The following RANBP3 variants were observed in gnomAD, a reference collection of about 807,000 sequenced individuals.
The protein encoded by RANBP3 is ran-binding protein 3.
RANBP3 carries 14 observed loss-of-function variants against 77.3 expected under a neutral mutation model. The ratio of observed to expected loss-of-function variants is 0.18; its 90% CI spans 0.12 to 0.28. The LOEUF (loss-of-function observed/expected upper bound fraction) is 0.28, where lower values mean the gene tolerates loss of function less well. Among genes scored for constraint, RANBP3 ranks in the 10% least tolerant of loss-of-function variants. The pLI, the probability that RANBP3 is intolerant of heterozygous loss-of-function variation, is 1.00. For synonymous variants in RANBP3, 315 were observed against 312.4 expected, an observed-to-expected ratio of 1.01 and a Z score of -0.09; for missense variants, 586 against 752.3, an observed-to-expected ratio of 0.78 and a Z score of 2.59.
intron 1 of RANBP3, among the ~76,000 whole-genome samples, chr19:5,966,462 C>T (rs2145254899): frequency 6.6e-6 from 1 of 152,348 alleles, no homozygotes; most frequent in East Asian, 1.9e-4. Context: ...ATGTTCGGCC[C>T]TGGAATGCTT....
chr19:5,939,422 C>T (rs558020631), intron 5 of RANBP3, among the ~76,000 whole-genome samples: 8 of 152,266 alleles, frequency 5.3e-5, no homozygotes, highest in South Asian at 2.1e-4. Context: ...TTTAAATGCC[C>T]GCTGAAGATC....
intron 5 of RANBP3, among the ~76,000 whole-genome samples, chr19:5,936,954 G>C (rs1208677264): frequency 4.1e-5 from 6 of 148,110 alleles, no homozygotes; most frequent in Admixed American, 2.8e-4. Context: ...TACTTGAGAG[G>C]CTGAGGCTTG....
Position 5,928,069 on chromosome 19 carries a change from T to C in RANBP3, c.712A>G (p.Asn238Asp). The change falls in exon 9 of 17, where the codon AAT becomes GAT. Residue 238 changes from asparagine (N) to aspartate (D), a missense_variant. This residue lies in a region of RANBP3 where 232 missense variants were observed against 271.7 expected (regional missense o/e 0.85). Coordinates refer to ENST00000340578, the MANE Select transcript of RANBP3 (RefSeq NM_007322.3). ...CALEEKEPQK[N>D]ESSNASEEEA... The stretch of plus-strand genomic sequence containing the variant: ...TCTTCAGAGGCATTGCTGGACTCAT[T>C]TTTCTGGGGCTCTTTCTCCTATCAA... 6.2e-7 allele frequency: 1 copy of C among 1,612,138 alleles called. No homozygotes were observed. Among genetic ancestry groups the C allele is most frequent in the Non-Finnish European group, 8.5e-7 (1 of 1,179,436 alleles).
At chr19:5,936,890 G>A (rs978779608) in intron 5 of RANBP3, among the ~76,000 whole-genome samples, 4 of 151,550 alleles carry the variant, frequency 2.6e-5, no homozygotes, top group Admixed American at 1.3e-4. Flanking sequence ...TAATCAACGC[G>A]GCAGGGATGG....
intron 2 of RANBP3, among the ~76,000 whole-genome samples, chr19:5,956,110 A>C (rs1011688092): frequency 3.9e-5 from 6 of 152,226 alleles, no homozygotes; most frequent in African/African-American, 1.4e-4. Context: ...CCGTCTCTCA[A>C]AGATAAAAAC....
At chr19:5,974,032 A>AC (rs1203787361) in intron 1 of RANBP3, among the ~76,000 whole-genome samples, 1 of 151,580 alleles carries the variant, frequency 6.6e-6, no homozygotes, top group Non-Finnish European at 1.5e-5. Flanking sequence ...CAGCCTCCCC[A>AC]CCCCCACTCC....
Position 5,924,969 on chromosome 19 carries a change from G to C in RANBP3, c.918-64C>G. The C allele has an allele frequency of 7.0e-7, 1 of 1,429,628 alleles. No individual in the cohort carries two copies. The highest frequency in any genetic ancestry group is 9.9e-7 in the Non-Finnish European group (1 of 1,012,534). The allele number at this position is 1,429,628 out of a possible 1,614,324, so 88.6% of individuals were successfully genotyped here. ...GGGAACGTGGCCAGGCAAATGTATG[G>C]GTACCCATGGAGCACACACTGACAC... is the stretch of plus-strand genomic sequence containing the variant. On this transcript the variant is annotated intron_variant, in intron 10 of 16. Transcript: ENST00000340578. This position sits in a 1 kb window ranked among gnomAD's most constrained non-coding sequence, Gnocchi z 4.7.
chr19:5,964,202 G>A (rs2058437039), intron 1 of RANBP3, among the ~76,000 whole-genome samples: 1 of 152,208 alleles, frequency 6.6e-6, no homozygotes, highest in African/African-American at 2.4e-5. Context: ...CCAGCGATGA[G>A]CACAGACAGG....
chr19:5,961,837 C>A (rs626000), intron 1 of RANBP3, among the ~76,000 whole-genome samples: 15,626 of 152,082 alleles, frequency 0.1, 1,012 homozygotes, highest in African/African-American at 0.18. Flanking sequence ...TCACCCTCCA[C>A]CTCCCACTGT....
chr19:5,978,006 C>T lies in RANBP3; in HGVS notation c.22+55G>A, dbSNP rs1485929588. 14 of 1,604,242 alleles carry T rather than the reference C, an allele frequency of 8.7e-6. No individual in the cohort carries two copies. In the Admixed American group the frequency reaches 1.7e-4, roughly 19 times the overall value. On this transcript the variant is annotated intron_variant, in intron 1 of 16. Coordinates refer to ENST00000340578, the MANE Select transcript of RANBP3 (RefSeq NM_007322.3). ...CCCCCAAGGGCTTGTGGCCCCTAGT[C>T]CTCCCGCCGCCCGTTCCCCGGCCGC...
intron 10 of RANBP3, 127 bp downstream of exon 10, chr19:5,925,507 G>T: frequency 1.3e-6 from 1 of 772,994 alleles, no homozygotes; most frequent in Non-Finnish European, 2.2e-6. Context: ...TGAGAGAGAG[G>T]GGCCTGAGAG....
chr19:5,952,766 G>C lies in RANBP3; in HGVS notation c.79-1170C>G, dbSNP rs571453192. On this transcript the variant is annotated intron_variant, in intron 2 of 16. Transcript: ENST00000340578. The surrounding 1 kb of genome is among the most constrained non-coding windows in gnomAD (Gnocchi z 4.1). ...TAAGAGAATGTACACAAATTCCTAG[G>C]AAAGCAAAAGCAATCTTCACTCAAA... 1.4e-4 allele frequency among the ~76,000 whole-genome samples: 21 copies of C among 152,310 alleles called. No homozygotes were observed. The highest frequency in any genetic ancestry group is 1.2e-3 in the Admixed American group (18 of 15,298).
intron 8 of RANBP3, among the ~76,000 whole-genome samples, chr19:5,929,192 T>C (rs2057954229): frequency 6.6e-6 from 1 of 152,234 alleles, no homozygotes; most frequent in Non-Finnish European, 1.5e-5. Context: ...CTGTGCTCCC[T>C]AGAAATTCTG....
intron 14 of RANBP3, among the ~76,000 whole-genome samples, chr19:5,919,769 C>T (rs746476435): frequency 5.3e-5 from 8 of 152,138 alleles, no homozygotes; most frequent in East Asian, 1.9e-4. Flanking sequence ...GGCTTGGTGG[C>T]GGGTGCCTAT....
intron 9 of RANBP3, among the ~76,000 whole-genome samples, chr19:5,927,546 TAAG>T (rs1383671095): frequency 3.3e-5 from 5 of 152,138 alleles, no homozygotes; most frequent in African/African-American, 4.8e-5. Flanking sequence ...CCTCAGAAAC[TAAG>T]AATGGTCCAG....
At chr19:5,953,458 C>T (rs2058298750) in intron 2 of RANBP3, among the ~76,000 whole-genome samples, 2 of 152,208 alleles carry the variant, frequency 1.3e-5, no homozygotes, top group South Asian at 2.1e-4. Context: ...AAACACCCTA[C>T]GACCACATTT....
chr19:5,948,006 T>G (rs369448750), intron 3 of RANBP3, among the ~76,000 whole-genome samples: 6 of 152,246 alleles, frequency 3.9e-5, no homozygotes, highest in East Asian at 1.9e-4. Context: ...GTCTGGTGTG[T>G]CCTCGGTGCC....
At chr19:5,941,536 C>A in intron 5 of RANBP3, 85 bp downstream of exon 5, 1 of 1,230,214 alleles carries the variant, frequency 8.1e-7, no homozygotes, top group African/African-American at 1.5e-5. Context: ...AGGAAGGACA[C>A]AGCAGACGGA....
Position 5,932,510 on chromosome 19 carries a change from C to T in RANBP3, c.507G>A (p.Arg169=), listed in dbSNP as rs766743580. 3.1e-6 allele frequency: 5 copies of T among 1,613,900 alleles called. No homozygotes were observed. In the East Asian group the frequency reaches 1.1e-4, roughly 36 times the overall value. Residue 169 remains arginine, a synonymous_variant, in exon 7 of 17, where the codon CGG becomes CGA. Coordinates refer to ENST00000340578, the MANE Select transcript of RANBP3 (RefSeq NM_007322.3). ...GTAACACTGCCGGGCGAAGCACGCT[C>T]CGCTGCTGCTCCTTGGGCTTCTGGC... The part of the protein sequence containing the change: ...LPSQKPKEQQ[R]SVLRPAVLQA...
Sources: allele counts gnomAD v4.1 joint callset (sites outside exome capture counted in the v4.1 genomes callset), GRCh38; gene constraint gnomAD v4.1.1; regional missense constraint gnomAD v4.1.1; non-coding constraint Gnocchi (gnomAD v3.1); transcripts MANE v1.5; gene names NCBI Gene and HGNC (gene_info 2026-07-23, HGNC 2026-07-21).